The following GLIS3 variants were observed in gnomAD, a reference collection of about 807,000 sequenced individuals.
GLIS3 encodes GLIS family zinc finger 3.
In GLIS3, 53 loss-of-function variants were observed where a neutral mutation model predicts 78.6. The ratio of observed to expected loss-of-function variants is 0.67; its 90% confidence interval spans 0.54 to 0.85. The LOEUF is 0.85. GLIS3 is among the 40% of genes least tolerant of loss of function. GLIS3 has a pLI of 0.00. For synonymous variants in GLIS3, 684 were observed against 509.9 expected, an observed-to-expected ratio of 1.34 and a Z score of -4.60; for missense variants, 1,703 against 1,231.1, an observed-to-expected ratio of 1.38 and a Z score of -5.74.
chr9:4,353,505 G>C, the GLIS3 span, among the ~76,000 whole-genome samples: 12 of 152,180 alleles, frequency 7.9e-5, no homozygotes, highest in African/African-American at 2.4e-4. Context: ...AAATGAGTAA[G>C]GCATTTCCAG....
At chr9:4,357,557 A>G in the GLIS3 span, among the ~76,000 whole-genome samples, 1 of 119,408 alleles carries the variant, frequency 8.4e-6, no homozygotes, top group Non-Finnish European at 1.7e-5. Flanking sequence ...ATGTGAACTA[A>G]TTCCTGTGTG....
At chr9:3,957,428 C>T (rs1009992585) in intron 4 of GLIS3, among the ~76,000 whole-genome samples, 2 of 152,138 alleles carry the variant, frequency 1.3e-5, no homozygotes, top group African/African-American at 4.8e-5. Context: ...CCTGCGTGTG[C>T]AGGAGGAACA....
At chr9:4,113,686 T>A (rs1831406181) in intron 4 of GLIS3, among the ~76,000 whole-genome samples, 1 of 152,152 alleles carries the variant, frequency 6.6e-6, no homozygotes, top group East Asian at 1.9e-4. Context: ...TCAAGACATG[T>A]CTTATGAGGC....
In GLIS3 at chr9:4,286,397, A is replaced by G; in HGVS notation, c.29T>C (p.Leu10Pro). Residue 10 changes from leucine (L) to proline (P), a missense_variant, in exon 2 of 11, where the codon CTC (leucine) becomes CCC (proline). Coordinates refer to ENST00000381971, the MANE Select transcript of GLIS3 (RefSeq NM_001042413.2). MNGRSCSMS[L>P]HRTSGTPQGP... Reference sequence around the variant, plus strand: ...CTGTGGGGTTCCCGATGTCCGGTGGAGACTCATGCTGCATGATCTTCCATT... The same window carrying G: ...CTGTGGGGTTCCCGATGTCCGGTGGGGACTCATGCTGCATGATCTTCCATT... 6.2e-7 allele frequency: 1 copy of G among 1,614,168 alleles called. No homozygotes were observed. The highest frequency in any genetic ancestry group is 8.5e-7 in the Non-Finnish European group (1 of 1,180,042).
At chr9:4,478,240 T>C in the GLIS3 span, among the ~76,000 whole-genome samples, 2 of 152,170 alleles carry the variant, frequency 1.3e-5, no homozygotes, top group East Asian at 3.8e-4. Flanking sequence ...TGGGAAAGGA[T>C]CATGATTGTA....
chr9:4,432,142 G>A, the GLIS3 span, among the ~76,000 whole-genome samples: 2,579 of 152,260 alleles, frequency 0.017, 67 homozygotes, highest in African/African-American at 0.059. Flanking sequence ...TGAAATGCAT[G>A]CCTATCCCCA....
At chr9:4,185,574 T>TA in intron 2 of GLIS3, among the ~76,000 whole-genome samples, 1 of 152,198 alleles carries the variant, frequency 6.6e-6, no homozygotes, top group East Asian at 1.9e-4. Context: ...CAATGTCCCA[T>TA]AAGGAAGCAG....
chr9:4,165,609 G>C (rs144321622), intron 2 of GLIS3, among the ~76,000 whole-genome samples: 1 of 152,330 alleles, frequency 6.6e-6, no homozygotes, highest in African/African-American at 2.4e-5. Context: ...GAATCAGGAA[G>C]GCTTCCAGAA....
chr9:4,459,100 G>A, the GLIS3 span, among the ~76,000 whole-genome samples: 1 of 152,180 alleles, frequency 6.6e-6, no homozygotes, highest in Admixed American at 6.5e-5. Context: ...GAAACACTCT[G>A]GCTGCCATGT....
chr9:3,955,637 A>G lies in GLIS3; in HGVS notation c.1711-18448T>C, dbSNP rs140124422. Among the ~76,000 whole-genome samples the G allele has an allele frequency of 4.2e-3, 638 of 152,360 alleles. 5 individuals carry two copies. Among genetic ancestry groups the G allele is most frequent in the African/African-American group, 0.015 (610 of 41,582 alleles). On this transcript the variant is annotated intron_variant, in intron 4 of 10. Transcript: ENST00000381971. ...CAAGATGCTTCCAGGATCTTGGAAC[A>G]GATTCTTACCAAATAGGGTTGTAAA...
chr9:3,888,416 T>G (rs1300601961), intron 7 of GLIS3, among the ~76,000 whole-genome samples: 4 of 152,174 alleles, frequency 2.6e-5, no homozygotes, highest in Non-Finnish European at 5.9e-5. Flanking sequence ...GAAGGCTTCT[T>G]GGAAACAGAT....
intron 2 of GLIS3, among the ~76,000 whole-genome samples, chr9:4,130,315 G>A (rs1459275526): frequency 6.6e-6 from 1 of 152,240 alleles, no homozygotes; most frequent in Non-Finnish European, 1.5e-5. Context: ...ATTTGCATAA[G>A]TAAAGACAAG....
At chr9:4,171,621 G>A (rs796815185) in intron 2 of GLIS3, among the ~76,000 whole-genome samples, 8 of 152,324 alleles carry the variant, frequency 5.3e-5, no homozygotes, top group African/African-American at 1.9e-4. Flanking sequence ...ATCATTTAGT[G>A]TGACCTTTAG....
At chr9:4,276,250 T>C (rs1826967082) in intron 2 of GLIS3, among the ~76,000 whole-genome samples, 1 of 141,104 alleles carries the variant, frequency 7.1e-6, no homozygotes, top group South Asian at 2.3e-4. Context: ...GCCAGTGCAC[T>C]GGGCAACAGA....
At chr9:4,308,265 G>A (rs1817279676) in intron 4 of GLIS3, among the ~76,000 whole-genome samples, 1 of 152,080 alleles carries the variant, frequency 6.6e-6, no homozygotes, top group African/African-American at 2.4e-5. Flanking sequence ...GAACAGGAAG[G>A]GCAGGAGAAA....
chr9:4,479,888 A>G, the GLIS3 span, among the ~76,000 whole-genome samples: 5 of 148,904 alleles, frequency 3.4e-5, no homozygotes, highest in African/African-American at 1.2e-4. Context: ...TCTTGACCAC[A>G]CAATAATTTC....
chr9:4,069,300 A>T (rs539921108), intron 4 of GLIS3, among the ~76,000 whole-genome samples: 1 of 152,198 alleles, frequency 6.6e-6, no homozygotes. Flanking sequence ...GCCTGAAACT[A>T]TTGGAAAGCC....
At chr9:4,483,562 T>A in the GLIS3 span, among the ~76,000 whole-genome samples, 69 of 151,384 alleles carry the variant, frequency 4.6e-4, 1 homozygote, top group South Asian at 2.5e-3. Context: ...TACTAAAAAT[T>A]CAAAAAAATT....
intron 6 of GLIS3, among the ~76,000 whole-genome samples, chr9:3,923,374 C>T (rs1258350803): frequency 1.3e-5 from 2 of 152,132 alleles, no homozygotes; most frequent in African/African-American, 4.8e-5. Context: ...CCCTTGCTGA[C>T]ACTGTACTCT....
Sources: gnomAD v4.1 joint callset for allele counts (sites outside exome capture counted in the v4.1 genomes callset) on GRCh38, gnomAD v4.1.1 for gene constraint, MANE v1.5 for transcripts, NCBI Gene and HGNC (gene_info 2026-07-23, HGNC 2026-07-21) for gene names.